Variants in BARX2 observed in about 807,000 individuals in gnomAD.
BARX2 encodes the protein BARX homeobox 2.
A neutral mutation model predicts 25.5 loss-of-function variants in BARX2; 11 were observed. That is an observed-to-expected ratio of 0.43 (90% CI 0.27 to 0.71). BARX2 has a LOEUF of 0.71. BARX2 is among the 30% of genes least tolerant of loss of function. The pLI, the probability that BARX2 is intolerant of heterozygous loss-of-function variation, is 0.19. For synonymous variants in BARX2, 137 were observed against 149.5 expected (o/e 0.92, Z 0.61); for missense variants, 360 against 359.9 (o/e 1.00, Z 0.00).
intron 1 of BARX2, among the ~76,000 whole-genome samples, chr11:129,402,086 CA>C (rs561777018): frequency 7.9e-4 from 116 of 146,330 alleles, no homozygotes; most frequent in African/African-American, 2.9e-3. Context: ...AGTGTATGAA[CA>C]AATATAAATC....
At chr11:129,412,447 C>T (rs1332375632) in intron 1 of BARX2, among the ~76,000 whole-genome samples, 4 of 152,164 alleles carry the variant, frequency 2.6e-5, no homozygotes, top group Admixed American at 1.3e-4. Flanking sequence ...AAGGGCAAGG[C>T]AGTGGTATTA....
chr11:129,429,481 C>T (rs992232365), intron 1 of BARX2, among the ~76,000 whole-genome samples: 10 of 152,050 alleles, frequency 6.6e-5, no homozygotes, highest in African/African-American at 2.4e-4. Context: ...CCTATGATTG[C>T]ACCACTGTAC....
intron 1 of BARX2, among the ~76,000 whole-genome samples, chr11:129,418,335 C>T (rs763840549): frequency 6.6e-5 from 10 of 152,180 alleles, no homozygotes; most frequent in Non-Finnish European, 1.2e-4. Context: ...TGGCTTGGCT[C>T]AGTTCTTTGG....
chr11:129,375,291 C>A (rs1253068988), upstream of BARX2, among the ~76,000 whole-genome samples: 1 of 152,110 alleles, frequency 6.6e-6, no homozygotes, highest in African/African-American at 2.4e-5. The surrounding 1 kb of genome is among the most constrained non-coding windows in gnomAD (Gnocchi z 4.0). Flanking sequence ...TTCGGGAAAC[C>A]GTCCACGCGG....
chr11:129,435,292 T>G (rs1043738258), intron 1 of BARX2, among the ~76,000 whole-genome samples: 1 of 152,050 alleles, frequency 6.6e-6, no homozygotes, highest in East Asian at 1.9e-4. Context: ...TAGCAAGTGG[T>G]GATTTATTGT....
intron 1 of BARX2, among the ~76,000 whole-genome samples, chr11:129,400,318 C>T (rs938276019): frequency 6.6e-6 from 1 of 151,966 alleles, no homozygotes; most frequent in South Asian, 2.1e-4. Context: ...ATAAGCATGG[C>T]GGCACCATGG....
Position 129,451,517 on chromosome 11 carries a change from T to G in BARX2, c.*115T>G. Reference sequence around the variant, plus strand: ...CCAGTAAACTGCGGGCGAAGAGATCTACCCGTCTCCCTCCCTCCCACAGTT... The same window carrying G: ...CCAGTAAACTGCGGGCGAAGAGATCGACCCGTCTCCCTCCCTCCCACAGTT... On this transcript the variant is annotated 3_prime_UTR_variant, in exon 4 of 4. Transcript: ENST00000281437. The G allele has an allele frequency of 2.7e-4, 319 of 1,196,298 alleles. No homozygotes were observed. Among genetic ancestry groups the G allele is most frequent in the Non-Finnish European group, 3.4e-4 (296 of 869,104 alleles). 74.1% of individuals were successfully genotyped at this position (1,196,298 alleles called of 1,614,324 possible).
At chr11:129,421,489 A>G (rs1481577873) in intron 1 of BARX2, among the ~76,000 whole-genome samples, 3 of 152,208 alleles carry the variant, frequency 2.0e-5, no homozygotes, top group Admixed American at 2.0e-4. Context: ...TGGATGCATA[A>G]TCACTAAGGA....
intron 3 of BARX2, among the ~76,000 whole-genome samples, chr11:129,443,853 G>A (rs544375244): frequency 6.6e-6 from 1 of 152,160 alleles, no homozygotes; most frequent in East Asian, 1.9e-4. Flanking sequence ...AAAACGAGGA[G>A]GGGTGGCGAT....
chr11:129,375,587 CG>C (rs918507562), upstream of BARX2, among the ~76,000 whole-genome samples: 5 of 151,818 alleles, frequency 3.3e-5, no homozygotes, highest in Non-Finnish European at 5.9e-5. This position sits in a 1 kb window ranked among gnomAD's most constrained non-coding sequence, Gnocchi z 4.0. Context: ...GAGCGCGTCC[CG>C]GGGGGGAGGG....
In BARX2 at chr11:129,444,109, GAAAA is replaced by G. The variant is rs369194472; in HGVS notation, c.573+1198_573+1201del. On this transcript the variant is annotated intron_variant, in intron 3 of 3. Transcript: ENST00000281437. ...GGGTTCTGCCAACCCCAGTTTTCAG[GAAAA>G]AAAAAAAGTCAGTGGATAGATGTTT... is the stretch of plus-strand genomic sequence containing the variant. 2.7e-5 allele frequency among the ~76,000 whole-genome samples: 4 copies of G among 145,628 alleles called. No individual in the cohort carries two copies. In the Admixed American group the frequency reaches 2.7e-4, roughly 10 times the overall value.
chr11:129,393,070 A>G (rs1861681921), intron 1 of BARX2, among the ~76,000 whole-genome samples: 1 of 152,138 alleles, frequency 6.6e-6, no homozygotes. Flanking sequence ...CAGGAATTTG[A>G]GACCAGCCTG....
intron 1 of BARX2, among the ~76,000 whole-genome samples, chr11:129,430,715 G>A (rs1413053272): frequency 6.6e-6 from 1 of 152,032 alleles, no homozygotes; most frequent in Non-Finnish European, 1.5e-5. Flanking sequence ...GCTCTTCCCC[G>A]ACCCTTAACC....
rs528414259 is a variant in BARX2, at chr11:129,436,771, T to A, written c.208T>A (p.Tyr70Asn). Residue 70 changes from tyrosine to asparagine, a missense_variant, in exon 2 of 4, where the codon TAT becomes AAT. Around this residue, in one of 3 missense-constraint regions of BARX2, gnomAD observed 240 missense variants for 228.7 expected, o/e 1.05. Transcript: ENST00000281437. This position sits in a 1 kb window ranked among gnomAD's most constrained non-coding sequence, Gnocchi z 4.5. Reference sequence around the variant, plus strand: ...TCCAGGCTCCCCTTCCCTGCGGGCATATCCGCTCCTCTCGGTGATCACCCG... The same window carrying A: ...TCCAGGCTCCCCTTCCCTGCGGGCAAATCCGCTCCTCTCGGTGATCACCCG... ...SCTGSPSLRAYPLLSVITRQP... is the reference protein window; with the variant it reads ...SCTGSPSLRANPLLSVITRQP... The A allele has an allele frequency of 3.4e-4, 543 of 1,600,630 alleles. 4 individuals carry two copies. In the South Asian group the frequency reaches 5.8e-3, roughly 17 times the overall value.
At chr11:129,397,919 A>G (rs923979346) in intron 1 of BARX2, among the ~76,000 whole-genome samples, 1 of 151,748 alleles carries the variant, frequency 6.6e-6, no homozygotes, top group Admixed American at 6.5e-5. Flanking sequence ...TCTGAACACT[A>G]TGTTGAATAC....
intron 1 of BARX2, among the ~76,000 whole-genome samples, chr11:129,435,281 G>C (rs1352675314): frequency 6.6e-6 from 1 of 152,204 alleles, no homozygotes; most frequent in African/African-American, 2.4e-5. Flanking sequence ...AATGGAAGTT[G>C]TAGCAAGTGG....
At position 129,378,761 on chromosome 11, in the gene BARX2, GA is replaced by G. The variant is rs199767231; in HGVS notation, c.187+2547del. On this transcript the variant is annotated intron_variant, in intron 1 of 3. Coordinates refer to ENST00000281437, the MANE Select transcript of BARX2 (RefSeq NM_003658.5). ...TCAGGTAAAATAATGAAAACTAAGAGAAAAAAAAGGCCTCAAAATTAAAAAG... is the reference window on the plus strand; with the variant it reads ...TCAGGTAAAATAATGAAAACTAAGAGAAAAAAAGGCCTCAAAATTAAAAAG... Among the ~76,000 whole-genome samples the G allele has an allele frequency of 2.3e-3, 300 of 132,950 alleles. 1 individual carries two copies. Among genetic ancestry groups the G allele is most frequent in the Admixed American group, 7.8e-3 (104 of 13,272 alleles). 87.2% of individuals were successfully genotyped at this position (132,950 alleles called of 152,430 possible).
At chr11:129,424,200 C>T (rs1862039402) in intron 1 of BARX2, among the ~76,000 whole-genome samples, 1 of 152,220 alleles carries the variant, frequency 6.6e-6, no homozygotes, top group Non-Finnish European at 1.5e-5. Flanking sequence ...CTGCTTTCAA[C>T]CCTTCAACTT....
chr11:129,440,835 A>G (rs1373857980), intron 2 of BARX2, among the ~76,000 whole-genome samples: 1 of 152,186 alleles, frequency 6.6e-6, no homozygotes, highest in African/African-American at 2.4e-5. Context: ...GAGACTCCCC[A>G]TGGAGCAGGC....
Sources: gnomAD v4.1 joint callset for allele counts (sites outside exome capture counted in the v4.1 genomes callset) on GRCh38, gnomAD v4.1.1 for gene constraint, gnomAD v4.1.1 regional missense constraint, Gnocchi (gnomAD v3.1) non-coding constraint, MANE v1.5 for transcripts, NCBI Gene and HGNC (gene_info 2026-07-23, HGNC 2026-07-21) for gene names.